ENC1: variants seen among roughly 807,000 people sequenced by gnomAD.
ENC1 encodes ectoderm-neural cortex protein 1.
In ENC1, 19 loss-of-function variants were observed where a neutral mutation model predicts 40.9. The ratio of observed to expected loss-of-function variants is 0.46; its 90% CI spans 0.32 to 0.68. The LOEUF (loss-of-function observed/expected upper bound fraction) is 0.68. Ranked by LOEUF, ENC1 falls within the 30% of genes least tolerant of loss-of-function variation. ENC1 has a pLI of 0.03. For synonymous variants in ENC1, 285 were observed against 291.1 expected (o/e 0.98, Z 0.21); for missense variants, 479 against 737.5 (o/e 0.65, Z 4.06).
Position 74,635,619 on chromosome 5 carries a change from T to G in ENC1, c.867A>C (p.Arg289=), listed in dbSNP as rs1184678102. 6.2e-7 allele frequency: 1 copy of G among 1,614,034 alleles called. No homozygotes were observed. The highest frequency in any genetic ancestry group is 1.3e-5 in the African/African-American group (1 of 74,906). The change falls in exon 2 of 3, where the codon CGA becomes CGC. Residue 289 remains arginine (R), a synonymous_variant. Coordinates refer to ENST00000302351, the MANE Select transcript of ENC1 (RefSeq NM_003633.4). This position sits in a 1 kb window ranked among gnomAD's most constrained non-coding sequence, Gnocchi z 5.5. The stretch of plus-strand genomic sequence containing the variant: ...AGAGGGCATGGCCAGTTTTCCGAGG[T>G]CGGGCACAGAGGCTGGTTACCACAC... ...NDGVVTSLCA[R]PRKTGHALFL...
intron 2 of ENC1, among the ~76,000 whole-genome samples, chr5:74,634,035 A>G (rs1168929662): frequency 6.6e-6 from 1 of 152,200 alleles, no homozygotes; most frequent in East Asian, 1.9e-4. Flanking sequence ...CATTGGAATC[A>G]TCCGGAAACT....
At position 74,634,675 on chromosome 5, in the gene ENC1, A is replaced by C. The variant is rs1747509107; in HGVS notation, c.*32+9T>G. Reference sequence around the variant, plus strand: ...TATGCATACTTACATCTATAGCTAAACTTCTTACCTCATGCTCACTCTCTT... The same window carrying C: ...TATGCATACTTACATCTATAGCTAACCTTCTTACCTCATGCTCACTCTCTT... On this transcript the variant is annotated intron_variant, in intron 2 of 2. Coordinates refer to ENST00000302351, the MANE Select transcript of ENC1 (RefSeq NM_003633.4). 1.5e-6 allele frequency: 2 copies of C among 1,376,832 alleles called. No homozygotes were observed. Among genetic ancestry groups the C allele is most frequent in the East Asian group, 4.6e-5 (2 of 43,252 alleles). The allele number at this position is 1,376,832 out of a possible 1,614,324, so 85.3% of individuals were successfully genotyped here. A position where few individuals can be genotyped will look rare whatever the true frequency, so the allele number is the denominator to read the frequency against.
Position 74,634,868 on chromosome 5 carries a change from G to A in ENC1, c.1618C>T (p.Leu540Phe). Reference sequence around the variant, plus strand: ...CCAAAGTATCCTCCAACCACGTAGAGTTTGTTTCCAGAGGCCACAGCATGG... The same window carrying A: ...CCAAAGTATCCTCCAACCACGTAGAATTTGTTTCCAGAGGCCACAGCATGG... Reference protein sequence around the residue: ...SCHAVASGNKLYVVGGYFGIQ... With the variant: ...SCHAVASGNKFYVVGGYFGIQ... The change falls in exon 2 of 3, where the codon CTC (leucine) becomes TTC (phenylalanine). Residue 540 changes from leucine to phenylalanine, a missense_variant. Coordinates refer to ENST00000302351, the MANE Select transcript of ENC1 (RefSeq NM_003633.4). 1 of 1,614,170 alleles carries A rather than the reference G, an allele frequency of 6.2e-7. No homozygotes were observed. Among genetic ancestry groups the A allele is most frequent in the Admixed American group, 1.7e-5 (1 of 60,028 alleles).
chr5:74,638,125 C>G (rs1191531698), intron 1 of ENC1, among the ~76,000 whole-genome samples: 2 of 152,202 alleles, frequency 1.3e-5, no homozygotes, highest in African/African-American at 2.4e-5. Flanking sequence ...GTTGCAGTAT[C>G]TGTTCCAGAC....
At chr5:74,634,600 T>G (rs148446800) in intron 2 of ENC1, 84 bp downstream of exon 2, 7,263 of 684,782 alleles carry the variant, frequency 0.011, 59 homozygotes, top group Non-Finnish European at 0.013. Context: ...GTACAGTCTC[T>G]GTGGATCAGA....
In ENC1 at chr5:74,634,945, T is replaced by A; in HGVS notation, c.1541A>T (p.Glu514Val). The A allele has an allele frequency of 6.2e-7, 1 of 1,614,114 alleles. No individual in the cohort carries two copies. Among genetic ancestry groups the A allele is most frequent in the Non-Finnish European group, 8.5e-7 (1 of 1,179,964 alleles). ...SACSAYKFNS[E>V]TYQWTKVGDV... ...TCCCACCTTGGTCCACTGGTAAGTCTCACTGTTGAATTTATAAGCAGAGCA... is the reference window on the plus strand; with the variant it reads ...TCCCACCTTGGTCCACTGGTAAGTCACACTGTTGAATTTATAAGCAGAGCA... Residue 514 changes from glutamate (E) to valine (V), a missense_variant, in exon 2 of 3, where the codon GAG becomes GTG. Physicochemically the swap from Glu to Val is moderately radical, Grantham distance 121. Transcript: ENST00000302351.
In ENC1 at chr5:74,629,284, C is replaced by T. The variant is rs1747309964; in HGVS notation, c.*741G>A. On this transcript the variant is annotated 3_prime_UTR_variant, in exon 3 of 3. Transcript: ENST00000302351. The stretch of plus-strand genomic sequence containing the variant: ...CCACAAAATGTGCAAAACGTACAAC[C>T]ATTCACACACGTCCATACATGTGAA... 2 of 152,204 alleles carry T rather than the reference C, an allele frequency of 1.3e-5. No homozygotes were observed. The highest frequency in any genetic ancestry group is 4.8e-5 in the African/African-American group (2 of 41,440). 9.4% of individuals were successfully genotyped at this position (152,204 alleles called of 1,614,324 possible). A position where few individuals can be genotyped will look rare whatever the true frequency, so the allele number is the denominator to read the frequency against.
At chr5:74,634,343 C>A (rs993900187) in intron 2 of ENC1, among the ~76,000 whole-genome samples, 1 of 152,000 alleles carries the variant, frequency 6.6e-6, no homozygotes, top group Admixed American at 6.5e-5. Context: ...ACCCAGGAGG[C>A]GGAGCTTGCA....
Position 74,633,475 on chromosome 5 carries a change from C to A in ENC1, c.*32+1209G>T, listed in dbSNP as rs1213435164. On this transcript the variant is annotated intron_variant, in intron 2 of 2. Coordinates refer to ENST00000302351, the MANE Select transcript of ENC1 (RefSeq NM_003633.4). Reference sequence around the variant, plus strand: ...TGCACAAATTTCTGCTATGTACATGCAACCTTTTACAAAGACAGATATAGA... The same window carrying A: ...TGCACAAATTTCTGCTATGTACATGAAACCTTTTACAAAGACAGATATAGA... Among the ~76,000 whole-genome samples, 4 of 152,180 alleles carry A rather than the reference C, an allele frequency of 2.6e-5. No individual in the cohort carries two copies. In the East Asian group the frequency reaches 7.7e-4, roughly 29 times the overall value.
chr5:74,630,368 T>C (rs187651645), intron 2 of ENC1, among the ~76,000 whole-genome samples: 1 of 152,316 alleles, frequency 6.6e-6, no homozygotes, highest in East Asian at 1.9e-4. Context: ...TAAAATTTCT[T>C]TCTGTGGTTA....
At chr5:74,637,792 GTA>G (rs1177793609) in intron 1 of ENC1, 10 of 118,338 alleles carry the variant, frequency 8.5e-5, no homozygotes, top group African/African-American at 3.2e-4. Flanking sequence ...GTGTGTGTGT[GTA>G]TTTTGCCAGC....
Position 74,635,422 on chromosome 5 carries a change from GAGACCCCATTTTC to G in ENC1, c.1051_1063del (p.Glu351GlnfsTer32). 6.2e-7 allele frequency: 1 copy of G among 1,614,068 alleles called. No individual in the cohort carries two copies. Among genetic ancestry groups the G allele is most frequent in the Non-Finnish European group, 8.5e-7 (1 of 1,179,982 alleles). ...GGTATCATAAACCCAGACATCTTTT[GAGACCCCATTTTC>G]AGACCCCCGCCCCCCAGTAATGTAC... On this transcript the variant is annotated frameshift_variant, in exon 2 of 3. Transcript: ENST00000302351. LOFTEE classifies it high-confidence loss of function. This position sits in a 1 kb window ranked among gnomAD's most constrained non-coding sequence, Gnocchi z 5.5.
At position 74,635,018 on chromosome 5, in the gene ENC1, G is replaced by A. The variant is rs1747526047; in HGVS notation, c.1468C>T (p.Leu490=). The A allele has an allele frequency of 1.9e-6, 3 of 1,614,214 alleles. No individual in the cohort carries two copies. The highest frequency in any genetic ancestry group is 2.5e-6 in the Non-Finnish European group (3 of 1,180,032). The part of the protein sequence containing the change: ...QPWRYTAAAV[L]GNQIFIMGGD... ...CCCATAATAAAAATCTGGTTCCCCA[G>A]CACAGCTGCTGCTGTGTAACGCCAG... Residue 490 remains leucine (L), a synonymous_variant, in exon 2 of 3, where the codon CTG becomes TTG. Coordinates refer to ENST00000302351, the MANE Select transcript of ENC1 (RefSeq NM_003633.4). The surrounding 1 kb of genome is among the most constrained non-coding windows in gnomAD (Gnocchi z 5.5).
chr5:74,634,866 G>C lies in ENC1; in HGVS notation c.1620C>G (p.Leu540=), dbSNP rs1477160850. ...SCHAVASGNK[L]YVVGGYFGIQ... Reference sequence around the variant, plus strand: ...TGCCAAAGTATCCTCCAACCACGTAGAGTTTGTTTCCAGAGGCCACAGCAT... The same window carrying C: ...TGCCAAAGTATCCTCCAACCACGTACAGTTTGTTTCCAGAGGCCACAGCAT... The change falls in exon 2 of 3, where the codon CTC becomes CTG. Residue 540 remains leucine (L), a synonymous_variant. Coordinates refer to ENST00000302351, the MANE Select transcript of ENC1 (RefSeq NM_003633.4). The C allele has an allele frequency of 9.9e-6, 16 of 1,614,060 alleles. No homozygotes were observed. The highest frequency in any genetic ancestry group is 1.3e-5 in the Non-Finnish European group (15 of 1,180,024).
chr5:74,636,636 T>C lies in ENC1; in HGVS notation c.-13-138A>G, dbSNP rs1280419465. 6.7e-6 allele frequency: 4 copies of C among 600,946 alleles called. No homozygotes were observed. The highest frequency in any genetic ancestry group is 1.2e-5 in the Non-Finnish European group (4 of 343,544). 37.2% of individuals were successfully genotyped at this position (600,946 alleles called of 1,614,324 possible). A position where few individuals can be genotyped will look rare whatever the true frequency, so the allele number is the denominator to read the frequency against. On this transcript the variant is annotated intron_variant, in intron 1 of 2. Transcript: ENST00000302351. The surrounding 1 kb of genome is among the most constrained non-coding windows in gnomAD (Gnocchi z 4.8). ...CCACCTACTATTCTAGAATAGTGTA[T>C]GGCCATTCCAGGACAAAGCCAGAGA... is the stretch of plus-strand genomic sequence containing the variant.
At position 74,635,568 on chromosome 5, in the gene ENC1, C is replaced by A; in HGVS notation, c.918G>T (p.Met306Ile). 6.2e-7 allele frequency: 1 copy of A among 1,614,236 alleles called. No homozygotes were observed. The highest frequency in any genetic ancestry group is 8.5e-7 in the Non-Finnish European group (1 of 1,180,052). ...ALFLLGGQTF[M>I]CDKLYLVDQK... is the part of the protein sequence containing the mutation. ...GGTCTACCAGATACAACTTGTCACA[C>A]ATGAAAGTCTGTCCTCCCAGAAGGA... The change falls in exon 2 of 3, where the codon ATG becomes ATT. Residue 306 changes from methionine to isoleucine, a missense_variant. By Grantham distance (10) the Met-to-Ile change is conservative. Coordinates refer to ENST00000302351, the MANE Select transcript of ENC1 (RefSeq NM_003633.4). This position sits in a 1 kb window ranked among gnomAD's most constrained non-coding sequence, Gnocchi z 5.5.
intron 2 of ENC1, among the ~76,000 whole-genome samples, chr5:74,631,390 C>A (rs764665336): frequency 6.6e-6 from 1 of 152,202 alleles, no homozygotes; most frequent in Non-Finnish European, 1.5e-5. Context: ...CTGTTAAACA[C>A]TCTATTAATT....
chr5:74,635,640 C>T lies in ENC1; in HGVS notation c.846G>A (p.Val282=). ...CKLKILQNDG[V]VTSLCARPRK... is the part of the protein sequence containing the mutation. ...GAGGTCGGGCACAGAGGCTGGTTAC[C>T]ACACCGTCATTCTGCAGGATTTTCA... Residue 282 remains valine (V), a synonymous_variant, in exon 2 of 3, where the codon GTG becomes GTA. Transcript: ENST00000302351. The surrounding 1 kb of genome is among the most constrained non-coding windows in gnomAD (Gnocchi z 5.5). 1.2e-6 allele frequency: 2 copies of T among 1,614,196 alleles called. No homozygotes were observed. Among genetic ancestry groups the T allele is most frequent in the Non-Finnish European group, 8.5e-7 (1 of 1,180,034 alleles).
Position 74,635,672 on chromosome 5 carries a change from A to C in ENC1, c.814T>G (p.Cys272Gly), listed in dbSNP as rs1580348769. The C allele has an allele frequency of 6.2e-7, 1 of 1,614,078 alleles. No homozygotes were observed. Among genetic ancestry groups the C allele is most frequent in the Non-Finnish European group, 8.5e-7 (1 of 1,180,008 alleles). Residue 272 changes from cysteine (C) to glycine (G), a missense_variant, in exon 2 of 3, where the codon TGC (cysteine) becomes GGC (glycine). Cys to Gly is a radical substitution (Grantham distance 159). Coordinates refer to ENST00000302351, the MANE Select transcript of ENC1 (RefSeq NM_003633.4). This position sits in a 1 kb window ranked among gnomAD's most constrained non-coding sequence, Gnocchi z 5.5. ...TCATTCTGCAGGATTTTCAGTTTGC[A>C]CCTGATGGCCTCTTCCACAATTTCC... ...SKEIVEEAIR[C>G]KLKILQNDGV...
Sources: gnomAD v4.1 joint callset for allele counts (sites outside exome capture counted in the v4.1 genomes callset) on GRCh38, gnomAD v4.1.1 for gene constraint, Gnocchi (gnomAD v3.1) non-coding constraint, MANE v1.5 for transcripts, NCBI Gene and HGNC (gene_info 2026-07-23, HGNC 2026-07-21) for gene names.